The following STX18 variants were observed in gnomAD, a reference collection of about 807,000 sequenced individuals.
The protein encoded by STX18 is syntaxin 18.
Under a neutral mutation model 50.1 loss-of-function variants are expected in STX18, and 40 were observed. That is an observed-to-expected ratio of 0.80 (90% CI 0.62 to 1.04). STX18 has a LOEUF of 1.04. STX18 is among the 50% of genes least tolerant of loss of function. The probability of loss-of-function intolerance (pLI) is 0.00; values close to 1 mark genes in which losing one functional copy is unlikely to be tolerated. For missense variants in STX18, 410 were observed against 415.8 expected, an observed-to-expected ratio of 0.99 and a Z score of 0.12; for synonymous variants, 158 against 151.8, an observed-to-expected ratio of 1.04 and a Z score of -0.30.
At chr4:4,481,115 A>G (rs1728436385) in intron 1 of STX18, among the ~76,000 whole-genome samples, 1 of 152,162 alleles carries the variant, frequency 6.6e-6, no homozygotes, top group African/African-American at 2.4e-5. Flanking sequence ...TGTTTTGTGA[A>G]TTACCCAAAG....
At chr4:4,449,288 C>T (rs1302069191) in intron 5 of STX18, among the ~76,000 whole-genome samples, 1 of 70,040 alleles carries the variant, frequency 1.4e-5, no homozygotes, top group Non-Finnish European at 2.5e-5. Flanking sequence ...CTCAAGCAAT[C>T]CTCCCTCCCA....
At chr4:4,501,302 C>A (rs761830109) in intron 1 of STX18, among the ~76,000 whole-genome samples, 1 of 152,138 alleles carries the variant, frequency 6.6e-6, no homozygotes, top group African/African-American at 2.4e-5. Context: ...GACATGGTTC[C>A]TCATTCTGTT....
intron 1 of STX18, among the ~76,000 whole-genome samples, chr4:4,517,933 C>T (rs1198216313): frequency 6.6e-6 from 1 of 152,048 alleles, no homozygotes. Flanking sequence ...TGCCACCACG[C>T]CTGGCTAATT....
chr4:4,514,655 C>G (rs1730156486), intron 1 of STX18, among the ~76,000 whole-genome samples: 1 of 152,038 alleles, frequency 6.6e-6, no homozygotes, highest in Admixed American at 6.6e-5. Flanking sequence ...TCCGAAGGAG[C>G]TTACAATCCA....
intron 7 of STX18, among the ~76,000 whole-genome samples, chr4:4,428,361 C>T (rs1440845160): frequency 3.3e-5 from 5 of 152,232 alleles, no homozygotes; most frequent in African/African-American, 1.2e-4. Flanking sequence ...CAGCCCCTCA[C>T]CTTCTAAGCA....
chr4:4,420,745 T>C lies in STX18; in HGVS notation c.912+119A>G. 1.1e-6 allele frequency: 1 copy of C among 887,078 alleles called. No individual in the cohort carries two copies. Among genetic ancestry groups the C allele is most frequent in the Non-Finnish European group, 1.8e-6 (1 of 550,492 alleles). The allele number at this position is 887,078 out of a possible 1,614,324, so 55.0% of individuals were successfully genotyped here. On this transcript the variant is annotated intron_variant, in intron 10 of 10. Transcript: ENST00000306200. This position sits in a 1 kb window ranked among gnomAD's most constrained non-coding sequence, Gnocchi z 4.3. Reference sequence around the variant, plus strand: ...GCTCCGCGGTCACACAATTTTGTGATCAGCCCCGTGAGCTCTGCCCAGCAA... The same window carrying C: ...GCTCCGCGGTCACACAATTTTGTGACCAGCCCCGTGAGCTCTGCCCAGCAA...
chr4:4,461,269 A>G lies in STX18; in HGVS notation c.237-1782T>C, dbSNP rs1307220999. ...CAGTATGGTTATTCTATTAGTAAGA[A>G]CAACAGAAACCAAGGAAGTTTTTTC... On this transcript the variant is annotated intron_variant, in intron 2 of 10. Coordinates refer to ENST00000306200, the MANE Select transcript of STX18 (RefSeq NM_016930.4). 1.3e-5 allele frequency among the ~76,000 whole-genome samples: 2 copies of G among 152,226 alleles called. 1 individual carries two copies. Among genetic ancestry groups the G allele is most frequent in the Admixed American group, 1.3e-4 (2 of 15,288 alleles).
chr4:4,509,603 AAAT>A (rs1180507328), intron 1 of STX18, among the ~76,000 whole-genome samples: 2 of 152,206 alleles, frequency 1.3e-5, no homozygotes, highest in African/African-American at 4.8e-5. Flanking sequence ...TATTTTAGAC[AAAT>A]AATAATAAGT....
chr4:4,473,226 C>T (rs1232758033), intron 1 of STX18, among the ~76,000 whole-genome samples: 1 of 152,008 alleles, frequency 6.6e-6, no homozygotes, highest in Non-Finnish European at 1.5e-5. Context: ...CCCAGTGCAC[C>T]ACCATGCCTG....
chr4:4,420,849 C>T lies in STX18; in HGVS notation c.912+15G>A. 6.2e-7 allele frequency: 1 copy of T among 1,613,538 alleles called. No homozygotes were observed. Among genetic ancestry groups the T allele is most frequent in the Non-Finnish European group, 8.5e-7 (1 of 1,179,520 alleles). On this transcript the variant is annotated intron_variant, in intron 10 of 10. Transcript: ENST00000306200. The surrounding 1 kb of genome is among the most constrained non-coding windows in gnomAD (Gnocchi z 4.3). The stretch of plus-strand genomic sequence containing the variant: ...CTGCGCCACGTCGCACCTGGGGAAC[C>T]TAAACAGTGCCTACCTCTCTTATGT...
chr4:4,441,721 A>C (rs898588422), intron 5 of STX18, among the ~76,000 whole-genome samples: 4 of 152,190 alleles, frequency 2.6e-5, no homozygotes, highest in African/African-American at 9.7e-5. Flanking sequence ...AAAAAACATC[A>C]CCAGGTCCCA....
Position 4,500,033 on chromosome 4 carries a change from T to C in STX18, c.169-28327A>G, listed in dbSNP as rs1729364659. Among the ~76,000 whole-genome samples the C allele has an allele frequency of 2.6e-5, 4 of 152,164 alleles. No homozygotes were observed. In the South Asian group the frequency reaches 6.2e-4, roughly 24 times the overall value. On this transcript the variant is annotated intron_variant, in intron 1 of 10. Coordinates refer to ENST00000306200, the MANE Select transcript of STX18 (RefSeq NM_016930.4). Reference sequence around the variant, plus strand: ...TCCCAGCACAGGCATCAGGGACTATTTGTCTATGATCCTATCTTCAATGGG... The same window carrying C: ...TCCCAGCACAGGCATCAGGGACTATCTGTCTATGATCCTATCTTCAATGGG...
At chr4:4,528,783 C>T (rs1730936854) in intron 1 of STX18, among the ~76,000 whole-genome samples, 1 of 152,210 alleles carries the variant, frequency 6.6e-6, no homozygotes, top group East Asian at 1.9e-4. Flanking sequence ...GAGAAGCCCA[C>T]AGACAATGGC....
chr4:4,464,461 G>T (rs542985270), intron 2 of STX18, among the ~76,000 whole-genome samples: 1 of 152,290 alleles, frequency 6.6e-6, no homozygotes, highest in East Asian at 1.9e-4. Flanking sequence ...TTTCACTACA[G>T]GACAGACGCT....
At chr4:4,464,002 A>G (rs1271998617) in intron 2 of STX18, among the ~76,000 whole-genome samples, 1 of 152,186 alleles carries the variant, frequency 6.6e-6, no homozygotes. Flanking sequence ...TATAAGAAGT[A>G]TTTCCATTTT....
In STX18 at chr4:4,470,803, C is replaced by T. The variant is rs886568008; in HGVS notation, c.236+836G>A. Among the ~76,000 whole-genome samples the T allele has an allele frequency of 2.6e-5, 4 of 152,128 alleles. No homozygotes were observed. The South Asian group carries it at 8.3e-4, about 32-fold the overall frequency. On this transcript the variant is annotated intron_variant, in intron 2 of 10. Transcript: ENST00000306200. ...AGGAAGGCTGGCATGGCTGGAGCAC[C>T]GTCGTGGGAAGGCGGTGTTTGAAAT... is the stretch of plus-strand genomic sequence containing the variant.
intron 8 of STX18, among the ~76,000 whole-genome samples, chr4:4,424,200 G>A (rs1725120264): frequency 6.6e-6 from 1 of 152,088 alleles, no homozygotes; most frequent in South Asian, 2.1e-4. Context: ...GGGCAGCATG[G>A]GCTACCCTGG....
intron 1 of STX18, among the ~76,000 whole-genome samples, chr4:4,500,348 G>A (rs541989891): frequency 4.6e-5 from 7 of 152,294 alleles, no homozygotes; most frequent in Non-Finnish European, 7.4e-5. Context: ...TTTTTAAAAA[G>A]GATGCTGCAC....
chr4:4,501,319 A>G (rs1040005505), intron 1 of STX18, among the ~76,000 whole-genome samples: 31 of 152,312 alleles, frequency 2.0e-4, no homozygotes, highest in African/African-American at 7.0e-4. Context: ...TGTTTGCCTC[A>G]CAGCACCCCT....
Sources: allele counts gnomAD v4.1 joint callset (sites outside exome capture counted in the v4.1 genomes callset), GRCh38; gene constraint gnomAD v4.1.1; non-coding constraint Gnocchi (gnomAD v3.1); transcripts MANE v1.5; gene names NCBI Gene and HGNC (gene_info 2026-07-23, HGNC 2026-07-21).